SRP54: variants seen among roughly 807,000 people sequenced by gnomAD.
SRP54 encodes signal recognition particle subunit SRP54.
In SRP54, 10 loss-of-function variants were observed where a neutral mutation model predicts 64.8. That is an observed-to-expected ratio of 0.15 (90% CI 0.10 to 0.26). The LOEUF (loss-of-function observed/expected upper bound fraction) is 0.26. SRP54 is among the 10% of genes least tolerant of loss of function. SRP54 has a pLI of 1.00. For missense variants in SRP54, 325 were observed against 613.7 expected (o/e 0.53, Z 4.97); for synonymous variants, 193 against 185.6 (o/e 1.04, Z -0.32).
intron 1 of SRP54, among the ~76,000 whole-genome samples, chr14:34,993,938 G>T (rs1415911586): frequency 6.6e-6 from 1 of 151,146 alleles, no homozygotes; most frequent in African/African-American, 2.4e-5. Flanking sequence ...CAGGTGATCC[G>T]CCTGCCTCGG....
intron 14 of SRP54, among the ~76,000 whole-genome samples, chr14:35,024,766 G>T (rs1306296302): frequency 6.6e-6 from 1 of 150,718 alleles, no homozygotes; most frequent in Non-Finnish European, 1.5e-5. Flanking sequence ...TTGCTCTGTC[G>T]CCCAGGCTGG....
intron 1 of SRP54, among the ~76,000 whole-genome samples, chr14:34,984,689 A>G (rs527692298): frequency 2.0e-5 from 3 of 152,156 alleles, no homozygotes; most frequent in Non-Finnish European, 4.4e-5. Flanking sequence ...TTTAGTAGAG[A>G]TGGGGTTCCA....
At chr14:34,998,069 T>A (rs2044097993) in intron 2 of SRP54, among the ~76,000 whole-genome samples, 1 of 152,056 alleles carries the variant, frequency 6.6e-6, no homozygotes, top group Non-Finnish European at 1.5e-5. Flanking sequence ...AGCCCTCTAG[T>A]GAAAGATCAG....
At chr14:35,008,333 T>G (rs1457782182) in intron 5 of SRP54, among the ~76,000 whole-genome samples, 1 of 152,208 alleles carries the variant, frequency 6.6e-6, no homozygotes, top group African/African-American at 2.4e-5. Context: ...AAAGGATGAT[T>G]TTTAGATCGT....
At chr14:35,016,958 A>T (rs1214257059) in intron 11 of SRP54, among the ~76,000 whole-genome samples, 1 of 149,366 alleles carries the variant, frequency 6.7e-6, no homozygotes, top group African/African-American at 2.5e-5. Context: ...AGTTTGAAGC[A>T]GTTCTCCTGC....
chr14:35,008,884 C>CTTTTT lies in SRP54; in HGVS notation c.485+69_485+73dup, dbSNP rs35812379. 316 of 676,224 alleles carry CTTTTT rather than the reference C, an allele frequency of 4.7e-4. 1 individual carries two copies. Among genetic ancestry groups the CTTTTT allele is most frequent in the South Asian group, 1.7e-3 (65 of 37,866 alleles). 41.9% of individuals were successfully genotyped at this position (676,224 alleles called of 1,614,324 possible). A position where few individuals can be genotyped will look rare whatever the true frequency, so the allele number is the denominator to read the frequency against. On this transcript the variant is annotated intron_variant, in intron 7 of 15. Transcript: ENST00000216774. Reference sequence around the variant, plus strand: ...TTATATCCCTCTTCTTGTCTGTCAGCTTTTTTTTTTTTTTTTTTTTGAGAC... The same window carrying CTTTTT: ...TTATATCCCTCTTCTTGTCTGTCAGCTTTTTTTTTTTTTTTTTTTTTTTTTGAGAC...
Position 35,008,727 on chromosome 14 carries a change from A to G in SRP54, c.427+34A>G, listed in dbSNP as rs151006158. 645 of 1,604,614 alleles carry G rather than the reference A, an allele frequency of 4.0e-4. No individual in the cohort carries two copies. In the African/African-American group the frequency reaches 6.4e-3, roughly 16 times the overall value. ...TTGAAATTTGAAAATTGTTTTATATAATTTTTATTTTCAAGTTTGAGGATT... is the reference window on the plus strand; with the variant it reads ...TTGAAATTTGAAAATTGTTTTATATGATTTTTATTTTCAAGTTTGAGGATT... On this transcript the variant is annotated intron_variant, in intron 6 of 15. Transcript: ENST00000216774.
intron 1 of SRP54, among the ~76,000 whole-genome samples, chr14:34,986,166 C>T (rs752509826): frequency 5.9e-5 from 9 of 151,812 alleles, no homozygotes; most frequent in Non-Finnish European, 8.8e-5. Flanking sequence ...TGCAAAAGTA[C>T]GAATTGGTGC....
intron 11 of SRP54, 110 bp downstream of exon 11, chr14:35,014,940 C>T: frequency 1.4e-6 from 1 of 689,846 alleles, no homozygotes; most frequent in Non-Finnish European, 2.4e-6. Context: ...TCAGATCTTC[C>T]ACTGCTTATT....
intron 10 of SRP54, 33 bp from the exon 11 acceptor site, chr14:35,014,711 T>G: frequency 6.8e-7 from 1 of 1,481,324 alleles, no homozygotes; most frequent in African/African-American, 1.4e-5. Flanking sequence ...GGTATAGTAT[T>G]AGTTGTTAAT....
intron 7 of SRP54, among the ~76,000 whole-genome samples, chr14:35,011,054 G>C (rs1229390335): frequency 6.6e-6 from 1 of 152,028 alleles, no homozygotes; most frequent in Non-Finnish European, 1.5e-5. Flanking sequence ...AGTCTCCCAA[G>C]TGGCTGGGAC....
chr14:35,018,838 A>G (rs553206106), intron 12 of SRP54, 73 bp downstream of exon 12: 1 of 1,477,038 alleles, frequency 6.8e-7, no homozygotes, highest in South Asian at 1.2e-5. Flanking sequence ...ACTTGCTTTA[A>G]TTATTTTTAC....
At chr14:35,002,589 C>T (rs1008069039) in intron 4 of SRP54, among the ~76,000 whole-genome samples, 5 of 151,830 alleles carry the variant, frequency 3.3e-5, no homozygotes, top group East Asian at 1.9e-4. Flanking sequence ...TGTGCCACCA[C>T]GCCCAGCTAA....
At chr14:35,028,222 A>G in intron 15 of SRP54, 39 bp downstream of exon 15, 1 of 1,295,086 alleles carries the variant, frequency 7.7e-7, no homozygotes, top group Non-Finnish European at 1.1e-6. Context: ...ATGCAGTTTA[A>G]TTTATAAGGG....
At chr14:35,005,737 CT>C (rs1297576657) in intron 4 of SRP54, among the ~76,000 whole-genome samples, 1 of 152,190 alleles carries the variant, frequency 6.6e-6, no homozygotes, top group Non-Finnish European at 1.5e-5. Flanking sequence ...TTACCAACCC[CT>C]GATCTAGGAC....
At chr14:35,004,186 G>A (rs1437830548) in intron 4 of SRP54, among the ~76,000 whole-genome samples, 1 of 152,092 alleles carries the variant, frequency 6.6e-6, no homozygotes, top group Non-Finnish European at 1.5e-5. Context: ...GGAGGCAGAG[G>A]TTGCAGTGAG....
intron 7 of SRP54, among the ~76,000 whole-genome samples, chr14:35,009,657 T>A (rs150172747): frequency 1.3e-5 from 2 of 152,126 alleles, no homozygotes; most frequent in Admixed American, 6.5e-5. Context: ...ATTCAGCTTA[T>A]AAGAGGTGTC....
intron 5 of SRP54, among the ~76,000 whole-genome samples, chr14:35,007,594 TAAA>T (rs935870600): frequency 6.8e-6 from 1 of 146,268 alleles, no homozygotes; most frequent in African/African-American, 2.5e-5. Flanking sequence ...TATATTATAA[TAAA>T]ATATATTTAC....
chr14:35,011,324 G>A (rs2044353957), intron 7 of SRP54, among the ~76,000 whole-genome samples, 185 bp from the exon 8 acceptor site: 3 of 152,142 alleles, frequency 2.0e-5, no homozygotes, highest in Admixed American at 6.6e-5. Context: ...TTGGAAAATT[G>A]GATAATGCTT....
Sources: allele counts gnomAD v4.1 joint callset (sites outside exome capture counted in the v4.1 genomes callset), GRCh38; gene constraint gnomAD v4.1.1; transcripts MANE v1.5; gene names NCBI Gene and HGNC (gene_info 2026-07-23, HGNC 2026-07-21).